Variants in LCN10 observed in about 807,000 individuals in gnomAD.
The protein encoded by LCN10 is epididymal-specific lipocalin-10.
Under a neutral mutation model 25.1 loss-of-function variants are expected in LCN10, and 18 were observed. The observed-to-expected ratio is 0.72, with a 90% CI of 0.50 to 1.06. The LOEUF is 1.06. LCN10 is among the 50% of genes least tolerant of loss of function. The pLI, the probability that LCN10 is intolerant of heterozygous loss-of-function variation, is 0.00. For missense variants in LCN10, 257 were observed against 258.9 expected, an observed-to-expected ratio of 0.99 and a Z score of 0.05; for synonymous variants, 130 against 116.7, an observed-to-expected ratio of 1.11 and a Z score of -0.73.
At chr9:136,741,635 C>T (rs537269043) in intron 2 of LCN10, 4 of 618,554 alleles carry the variant, frequency 6.5e-6, no homozygotes, top group South Asian at 4.1e-5. Context: ...GAGCTGCAAG[C>T]GGCTTCCTCC....
In LCN10 at chr9:136,738,501, G is replaced by A. The variant is rs1846865444; in HGVS notation, c.*1024C>T. 6.6e-6 allele frequency: 1 copy of A among 152,196 alleles called. No individual in the cohort carries two copies. Among genetic ancestry groups the A allele is most frequent in the African/African-American group, 2.4e-5 (1 of 41,424 alleles). The allele number at this position is 152,196 out of a possible 1,614,324, so 9.4% of individuals were successfully genotyped here. A position where few individuals can be genotyped will look rare whatever the true frequency, so the allele number is the denominator to read the frequency against. ...TTACCCCGTCATGGCTGAGGACTCG[G>A]GTTCAGGGTTTCTTTGGGATCCCCT... On this transcript the variant is annotated 3_prime_UTR_variant, in exon 6 of 6. Transcript: ENST00000497771.
chr9:136,741,859 C>T, intron 2 of LCN10, 22 bp downstream of exon 2: 1 of 1,589,582 alleles, frequency 6.3e-7, no homozygotes, highest in Non-Finnish European at 8.6e-7. Flanking sequence ...AGACCCTTGC[C>T]TGGGGGGCGC....
In LCN10 at chr9:136,739,280, G is replaced by T. The variant is rs926641377; in HGVS notation, c.*245C>A. ...AGGGAATAGCAGCAGCCTGCAGTGT[G>T]CTCCAGAAGACAGTGGGGAAGGGGC... On this transcript the variant is annotated 3_prime_UTR_variant, in exon 6 of 6. Transcript: ENST00000497771. This position sits in a 1 kb window ranked among gnomAD's most constrained non-coding sequence, Gnocchi z 6.1. 3.7e-6 allele frequency: 2 copies of T among 536,540 alleles called. No homozygotes were observed. Among genetic ancestry groups the T allele is most frequent in the Non-Finnish European group, 3.4e-6 (1 of 296,556 alleles). 33.2% of individuals were successfully genotyped at this position (536,540 alleles called of 1,614,324 possible). A position where few individuals can be genotyped will look rare whatever the true frequency, so the allele number is the denominator to read the frequency against.
intron 3 of LCN10, 89 bp downstream of exon 3, chr9:136,741,163 G>A (rs537300649): frequency 8.3e-6 from 10 of 1,202,666 alleles, no homozygotes; most frequent in East Asian, 2.5e-5. Context: ...TGCCTGCCAC[G>A]TGCTCTCGGG....
At position 136,740,820 on chromosome 9, in the gene LCN10, C is replaced by T. The variant is rs753551243; in HGVS notation, c.475+16G>A. The T allele has an allele frequency of 7.5e-6, 12 of 1,602,326 alleles. No homozygotes were observed. The highest frequency in any genetic ancestry group is 2.2e-5 in the East Asian group (1 of 44,818). On this transcript the variant is annotated intron_variant, in intron 4 of 5. Transcript: ENST00000497771. The surrounding 1 kb of genome is among the most constrained non-coding windows in gnomAD (Gnocchi z 5.3). The stretch of plus-strand genomic sequence containing the variant: ...ACCCCCTCCACCATCCTCTGCCATC[C>T]GCTGTGCCTGCTCACGGAAGAGCAG...
chr9:136,741,486 C>A, intron 2 of LCN10, 125 bp from the exon 3 acceptor site: 1 of 691,062 alleles, frequency 1.4e-6, no homozygotes, highest in Non-Finnish European at 2.4e-6. Flanking sequence ...AAGGTTGGGG[C>A]CCCAGGTCCC....
Position 136,740,749 on chromosome 9 carries a change from C to CCTGGGTT in LCN10, c.475+86_475+87insAACCCAG. On this transcript the variant is annotated intron_variant, in intron 4 of 5. Transcript: ENST00000497771. This position sits in a 1 kb window ranked among gnomAD's most constrained non-coding sequence, Gnocchi z 5.3. ...CCCACTCTCCCTGCCCGCCTCACCTCCTGCCCGGCCCCCTGTGCCCAGCGC... is the reference window on the plus strand; with the variant it reads ...CCCACTCTCCCTGCCCGCCTCACCTCCTGGGTTCTGCCCGGCCCCCTGTGCCCAGCGC... 1 of 1,067,344 alleles carries CCTGGGTT rather than the reference C, an allele frequency of 9.4e-7. No homozygotes were observed. The highest frequency in any genetic ancestry group is 1.5e-5 in the South Asian group (1 of 67,196). The allele number at this position is 1,067,344 out of a possible 1,614,324, so 66.1% of individuals were successfully genotyped here. A position where few individuals can be genotyped will look rare whatever the true frequency, so the allele number is the denominator to read the frequency against.
In LCN10 at chr9:136,740,752, GCCC is replaced by G. The variant is rs1588296702; in HGVS notation, c.475+81_475+83del. The G allele has an allele frequency of 3.8e-6, 4 of 1,056,792 alleles. No individual in the cohort carries two copies. The highest frequency in any genetic ancestry group is 1.6e-5 in the South Asian group (1 of 61,278). The allele number at this position is 1,056,792 out of a possible 1,614,324, so 65.5% of individuals were successfully genotyped here. ...ACTCTCCCTGCCCGCCTCACCTCCT[GCCC>G]GGCCCCCTGTGCCCAGCGCCCCTCT... On this transcript the variant is annotated intron_variant, in intron 4 of 5. Coordinates refer to ENST00000497771, the MANE Select transcript of LCN10 (RefSeq NM_001001712.3). This position sits in a 1 kb window ranked among gnomAD's most constrained non-coding sequence, Gnocchi z 5.3.
intron 1 of LCN10, chr9:136,742,425 C>T (rs967773212): frequency 2.4e-6 from 1 of 420,418 alleles, no homozygotes; most frequent in Non-Finnish European, 4.3e-6. Flanking sequence ...ATGAGTGCTG[C>T]TCCCACGGCT....
chr9:136,741,818 C>T, intron 2 of LCN10, 63 bp downstream of exon 2: 1 of 1,529,512 alleles, frequency 6.5e-7, no homozygotes, highest in Non-Finnish European at 8.8e-7. Flanking sequence ...TCCTTTCCAG[C>T]CCCGAGGCAG....
chr9:136,738,936 G>A lies in LCN10; in HGVS notation c.*589C>T, dbSNP rs1365485635. On this transcript the variant is annotated 3_prime_UTR_variant, in exon 6 of 6. Transcript: ENST00000497771. ...GGCCGCGCCTAGATACACTTCTAGG[G>A]TCTATACTCGAGTATCCAGGTGATC... 1.2e-5 allele frequency: 2 copies of A among 160,404 alleles called. No individual in the cohort carries two copies. The allele number at this position is 160,404 out of a possible 1,614,324, so 9.9% of individuals were successfully genotyped here.
In LCN10 at chr9:136,739,519, T is replaced by C. The variant is rs1846887582; in HGVS notation, c.*6A>G. On this transcript the variant is annotated 3_prime_UTR_variant, in exon 6 of 6. Coordinates refer to ENST00000497771, the MANE Select transcript of LCN10 (RefSeq NM_001001712.3). The surrounding 1 kb of genome is among the most constrained non-coding windows in gnomAD (Gnocchi z 6.1). ...GTCGAAAGGGAAGAGCAGAGGACGC[T>C]GGCTCTCATGGCAGGATGGTGTGTG... The C allele has an allele frequency of 6.3e-7, 1 of 1,599,662 alleles. No individual in the cohort carries two copies. Among genetic ancestry groups the C allele is most frequent in the South Asian group, 1.1e-5 (1 of 88,054 alleles).
chr9:136,742,083 G>T, intron 1 of LCN10, 63 bp from the exon 2 acceptor site: 1 of 1,593,406 alleles, frequency 6.3e-7, no homozygotes, highest in Non-Finnish European at 8.5e-7. Flanking sequence ...CACCCCCGAG[G>T]TTCCCAGCTA....
At position 136,740,904 on chromosome 9, in the gene LCN10, T is replaced by G; in HGVS notation, c.407A>C (p.Tyr136Ser). 13 of 1,613,868 alleles carry G rather than the reference T, an allele frequency of 8.1e-6. No homozygotes were observed. The highest frequency in any genetic ancestry group is 1.1e-5 in the Non-Finnish European group (13 of 1,179,850). The change falls in exon 4 of 6, where the codon TAC becomes TCC. Residue 136 changes from tyrosine (Y) to serine (S), a missense_variant. Tyr to Ser is a moderately radical substitution (Grantham distance 144). Coordinates refer to ENST00000497771, the MANE Select transcript of LCN10 (RefSeq NM_001001712.3). This position sits in a 1 kb window ranked among gnomAD's most constrained non-coding sequence, Gnocchi z 5.3. ...GCGGAGGTAGACCAAGCCGTAGCTGTAGTCAGTGGACAGCACGTGGAAGGC... is the reference window on the plus strand; with the variant it reads ...GCGGAGGTAGACCAAGCCGTAGCTGGAGTCAGTGGACAGCACGTGGAAGGC... The part of the protein sequence containing the change: ...VKAFHVLSTD[Y>S]SYGLVYLRLG...
In LCN10 at chr9:136,739,344, C is replaced by A; in HGVS notation, c.*181G>T. On this transcript the variant is annotated 3_prime_UTR_variant, in exon 6 of 6. Coordinates refer to ENST00000497771, the MANE Select transcript of LCN10 (RefSeq NM_001001712.3). This position sits in a 1 kb window ranked among gnomAD's most constrained non-coding sequence, Gnocchi z 6.1. ...CGCCACCCGGTCAGCCTGTATCCTC[C>A]TTCCCCCATCTTTCTGTGATCATAA... The A allele has an allele frequency of 1.5e-6, 1 of 648,652 alleles. No individual in the cohort carries two copies. Among genetic ancestry groups the A allele is most frequent in the South Asian group, 1.8e-5 (1 of 54,814 alleles). The allele number at this position is 648,652 out of a possible 1,614,324, so 40.2% of individuals were successfully genotyped here.
chr9:136,739,675 C>A lies in LCN10; in HGVS notation c.575-122G>T. 1.1e-6 allele frequency: 1 copy of A among 931,414 alleles called. No individual in the cohort carries two copies. Among genetic ancestry groups the A allele is most frequent in the South Asian group, 1.4e-5 (1 of 69,728 alleles). 57.7% of individuals were successfully genotyped at this position (931,414 alleles called of 1,614,324 possible). The stretch of plus-strand genomic sequence containing the variant: ...GTGCTCGTCTTGGGCACCACGAGAA[C>A]ACAGCCATGCAGCCCCCGATCCTGC... On this transcript the variant is annotated intron_variant, in intron 5 of 5. Coordinates refer to ENST00000497771, the MANE Select transcript of LCN10 (RefSeq NM_001001712.3). This position sits in a 1 kb window ranked among gnomAD's most constrained non-coding sequence, Gnocchi z 6.1.
chr9:136,742,510 G>T (rs776984591), intron 1 of LCN10: 2 of 530,156 alleles, frequency 3.8e-6, no homozygotes, highest in African/African-American at 1.9e-5. Context: ...CACTCTGGGC[G>T]TCTCCCGACC....
intron 3 of LCN10, 97 bp from the exon 4 acceptor site, chr9:136,741,040 CA>C (rs776173440): frequency 3.5e-6 from 4 of 1,154,172 alleles, no homozygotes; most frequent in Non-Finnish European, 5.1e-6. Context: ...TCAGAGCCCC[CA>C]CCCAGGTGCA....
At position 136,739,921 on chromosome 9, in the gene LCN10, G is replaced by A. The variant is rs1275071107; in HGVS notation, c.574+29C>T. The A allele has an allele frequency of 6.5e-7, 1 of 1,533,432 alleles. No homozygotes were observed. Among genetic ancestry groups the A allele is most frequent in the Non-Finnish European group, 8.9e-7 (1 of 1,126,376 alleles). The allele number at this position is 1,533,432 out of a possible 1,614,324, so 95.0% of individuals were successfully genotyped here. ...CAATGGGACGGGCAGGTAGGGCCAG[G>A]AGGGCAAAGGGCTGAGGGCACAGCT... On this transcript the variant is annotated intron_variant, in intron 5 of 5. Coordinates refer to ENST00000497771, the MANE Select transcript of LCN10 (RefSeq NM_001001712.3). The surrounding 1 kb of genome is among the most constrained non-coding windows in gnomAD (Gnocchi z 6.1).
Sources: gnomAD v4.1 joint callset for allele counts on GRCh38, gnomAD v4.1.1 for gene constraint, Gnocchi (gnomAD v3.1) non-coding constraint, MANE v1.5 for transcripts, NCBI Gene and HGNC (gene_info 2026-07-23, HGNC 2026-07-21) for gene names.